ADGRL3: variants seen among roughly 807,000 people sequenced by gnomAD.
ADGRL3 encodes the protein calcium-independent alpha-latrotoxin receptor 3.
A neutral mutation model predicts 153.5 loss-of-function variants in ADGRL3; 62 were observed. The ratio of observed to expected loss-of-function variants is 0.40; its 90% CI spans 0.33 to 0.50. The LOEUF (loss-of-function observed/expected upper bound fraction) is 0.50. Ranked by LOEUF, ADGRL3 falls within the 20% of genes least tolerant of loss-of-function variation. The pLI is 0.47. For synonymous variants in ADGRL3, 710 were observed against 672.5 expected (o/e 1.06, Z -0.86); for missense variants, 1,641 against 1,859.4 (o/e 0.88, Z 2.16).
chr4:61,485,176 G>A (rs1019846545), intron 2 of ADGRL3, among the ~76,000 whole-genome samples: 2 of 152,118 alleles, frequency 1.3e-5, no homozygotes, highest in African/African-American at 4.8e-5. Context: ...GCACCGTACT[G>A]AGATGAGATA....
chr4:61,291,602 A>AT (rs1678500332), intron 1 of ADGRL3, among the ~76,000 whole-genome samples: 1 of 8,996 alleles, frequency 1.1e-4, no homozygotes, highest in African/African-American at 2.7e-4. Context: ...ATATATATAT[A>AT]TACACACACA....
chr4:61,541,345 GAT>G (rs1491324105), intron 4 of ADGRL3, among the ~76,000 whole-genome samples: 7 of 103,792 alleles, frequency 6.7e-5, no homozygotes, highest in Non-Finnish European at 1.3e-4. Flanking sequence ...TTCTGGTAGA[GAT>G]TTTTTTTTTT....
chr4:61,837,513 A>G (rs2097954339), intron 9 of ADGRL3, among the ~76,000 whole-genome samples: 1 of 152,098 alleles, frequency 6.6e-6, no homozygotes, highest in Admixed American at 6.6e-5. Flanking sequence ...ATGTTCATCT[A>G]TACAGGTATG....
At chr4:61,318,379 G>A (rs1410131516) in intron 1 of ADGRL3, among the ~76,000 whole-genome samples, 1 of 151,942 alleles carries the variant, frequency 6.6e-6, no homozygotes, top group African/African-American at 2.4e-5. Context: ...TTGCTGATGG[G>A]CCAACATTTT....
intron 1 of ADGRL3, among the ~76,000 whole-genome samples, chr4:61,321,300 T>A (rs1373991578): frequency 6.6e-6 from 1 of 152,128 alleles, no homozygotes; most frequent in Non-Finnish European, 1.5e-5. Context: ...TCAGATCACC[T>A]AAGTTGGTAG....
At chr4:61,532,545 C>CTT (rs2098627269) in intron 4 of ADGRL3, among the ~76,000 whole-genome samples, 1 of 77,292 alleles carries the variant, frequency 1.3e-5, no homozygotes. Flanking sequence ...CGCGCGCGCG[C>CTT]GCGCGCGCGC....
intron 1 of ADGRL3, among the ~76,000 whole-genome samples, chr4:61,315,477 T>TG (rs776509954): frequency 2.6e-5 from 4 of 152,182 alleles, no homozygotes; most frequent in Non-Finnish European, 5.9e-5. Context: ...GCAAGGGCTC[T>TG]GTATACAAAG....
intron 5 of ADGRL3, among the ~76,000 whole-genome samples, chr4:61,591,276 A>G (rs2098968051): frequency 6.6e-6 from 1 of 152,160 alleles, no homozygotes; most frequent in African/African-American, 2.4e-5. Flanking sequence ...TAATTCACTC[A>G]TTTCAATAGT....
At chr4:62,028,573 A>C (rs180689547) in intron 21 of ADGRL3, among the ~76,000 whole-genome samples, 2 of 151,862 alleles carry the variant, frequency 1.3e-5, no homozygotes, top group Non-Finnish European at 2.9e-5. Context: ...TAAGAAATAA[A>C]TGTCTCTTTC....
In ADGRL3 at chr4:61,676,810, T is replaced by A; in HGVS notation, c.474-16T>A. 6.3e-7 allele frequency: 1 copy of A among 1,575,416 alleles called. No homozygotes were observed. On this transcript the variant is annotated splice_polypyrimidine_tract_variant and intron_variant, in intron 5 of 26. Transcript: ENST00000683033. The stretch of plus-strand genomic sequence containing the variant: ...TGCATAAGCTTACTACTTCTTTTCC[T>A]TTCTTTTGACTTCAGATGCAATAAC...
chr4:61,261,233 T>C (rs1410191988), intron 1 of ADGRL3, among the ~76,000 whole-genome samples: 1 of 150,514 alleles, frequency 6.6e-6, no homozygotes, highest in Non-Finnish European at 1.5e-5. Flanking sequence ...GGTCTTGTTA[T>C]GTTCCCCAGG....
At chr4:61,558,058 G>A (rs776092665) in intron 4 of ADGRL3, among the ~76,000 whole-genome samples, 1 of 149,426 alleles carries the variant, frequency 6.7e-6, no homozygotes, top group Non-Finnish European at 1.5e-5. Flanking sequence ...CTGCATTTTA[G>A]TAGCTCTACT....
At chr4:61,332,741 T>C (rs958080862) in intron 1 of ADGRL3, among the ~76,000 whole-genome samples, 2 of 152,152 alleles carry the variant, frequency 1.3e-5, no homozygotes, top group African/African-American at 4.8e-5. Flanking sequence ...AAATGGACTA[T>C]AGAAAGATTA....
At chr4:61,975,084 C>T (rs1365974975) in intron 17 of ADGRL3, among the ~76,000 whole-genome samples, 1 of 152,094 alleles carries the variant, frequency 6.6e-6, no homozygotes, top group Admixed American at 6.6e-5. Flanking sequence ...GATGAAACAA[C>T]TTATTCTCTT....
At chr4:61,885,494 A>G (rs751399356) in intron 9 of ADGRL3, among the ~76,000 whole-genome samples, 1 of 152,162 alleles carries the variant, frequency 6.6e-6, no homozygotes, top group Non-Finnish European at 1.5e-5. Context: ...GTGCCTTCTA[A>G]CAGATTTGTT....
chr4:61,599,368 C>G (rs1267602371), intron 5 of ADGRL3, among the ~76,000 whole-genome samples: 2 of 152,174 alleles, frequency 1.3e-5, no homozygotes, highest in Non-Finnish European at 2.9e-5. Flanking sequence ...GAGACAAAAT[C>G]TCATTCTGCC....
intron 1 of ADGRL3, among the ~76,000 whole-genome samples, chr4:61,233,022 G>A (rs1328921131): frequency 6.6e-6 from 1 of 152,088 alleles, no homozygotes; most frequent in Non-Finnish European, 1.5e-5. Context: ...GCAGAATTAT[G>A]TGCTTGAATA....
intron 4 of ADGRL3, among the ~76,000 whole-genome samples, chr4:61,533,042 C>T (rs2098633316): frequency 6.6e-6 from 1 of 152,102 alleles, no homozygotes; most frequent in African/African-American, 2.4e-5. Context: ...TCTCTACATT[C>T]TGAAAGCAGC....
At chr4:61,750,424 C>T (rs1350153634) in intron 8 of ADGRL3, among the ~76,000 whole-genome samples, 1 of 152,102 alleles carries the variant, frequency 6.6e-6, no homozygotes, top group Middle Eastern at 3.2e-3. Context: ...CACATTGCCT[C>T]CATCAGGGAT....
Sources: gnomAD v4.1 joint callset for allele counts (sites outside exome capture counted in the v4.1 genomes callset) on GRCh38, gnomAD v4.1.1 for gene constraint, MANE v1.5 for transcripts, NCBI Gene and HGNC (gene_info 2026-07-23, HGNC 2026-07-21) for gene names.